The following PDE8B variants were observed in gnomAD, a reference collection of about 807,000 sequenced individuals.
PDE8B encodes phosphodiesterase 8B, also known as high affinity cAMP-specific and IBMX-insensitive 3',5'-cyclic phosphodiesterase 8B.
A neutral mutation model predicts 101.3 loss-of-function variants in PDE8B; 26 were observed. That is an observed-to-expected ratio of 0.26 (90% CI 0.19 to 0.36). The LOEUF is 0.36. Among genes scored for constraint, PDE8B ranks in the 10% least tolerant of loss-of-function variants. The pLI is 1.00. For synonymous variants in PDE8B, 424 were observed against 429.3 expected (o/e 0.99, Z 0.15); for missense variants, 810 against 1,163.1 (o/e 0.70, Z 4.42).
At chr5:77,144,586 A>G in the PDE8B span, 2 of 116,538 alleles carry the variant, frequency 1.7e-5, no homozygotes, top group Admixed American at 8.7e-5. Context: ...AAAATGTTGG[A>G]GGAAGAATTT....
chr5:77,194,614 A>T, the PDE8B span, among the ~76,000 whole-genome samples: 15 of 151,882 alleles, frequency 9.9e-5, no homozygotes, highest in Non-Finnish European at 1.5e-5. Context: ...GCCCCTTTAC[A>T]TTCCCCAGCC....
intron 10 of PDE8B, among the ~76,000 whole-genome samples, chr5:77,375,471 T>G (rs1785886161): frequency 6.6e-6 from 1 of 152,224 alleles, no homozygotes; most frequent in Non-Finnish European, 1.5e-5. Context: ...AGCATAATAG[T>G]ACCAGAATCT....
chr5:77,274,213 CAATT>C (rs1357700886), intron 1 of PDE8B, among the ~76,000 whole-genome samples: 11 of 152,122 alleles, frequency 7.2e-5, no homozygotes, highest in East Asian at 1.9e-4. Flanking sequence ...TATATTATCT[CAATT>C]AATCCTCAAA....
At chr5:77,345,076 A>G (rs1779906492) in intron 7 of PDE8B, 145 bp downstream of exon 7, 9 of 693,626 alleles carry the variant, frequency 1.3e-5, no homozygotes, top group South Asian at 6.3e-5. Context: ...TGCAAAGAAT[A>G]CTGATAGACT....
At chr5:77,241,975 G>T (rs1046852437) in intron 1 of PDE8B, among the ~76,000 whole-genome samples, 1 of 152,090 alleles carries the variant, frequency 6.6e-6, no homozygotes, top group Non-Finnish European at 1.5e-5. Flanking sequence ...TCCTTAACTT[G>T]TCCCAACACC....
intron 17 of PDE8B, among the ~76,000 whole-genome samples, chr5:77,417,075 C>G (rs1409444760): frequency 1.3e-5 from 2 of 152,088 alleles, no homozygotes; most frequent in Non-Finnish European, 2.9e-5. Context: ...GAAGTGACCA[C>G]CCTCGAAATC....
chr5:77,296,440 T>G (rs1306132949), intron 1 of PDE8B, among the ~76,000 whole-genome samples: 1 of 152,040 alleles, frequency 6.6e-6, no homozygotes, highest in Non-Finnish European at 1.5e-5. Context: ...CTTTTTTACT[T>G]TTGGTAGAAA....
the PDE8B span, among the ~76,000 whole-genome samples, chr5:77,089,793 T>C: frequency 5.3e-5 from 8 of 152,206 alleles, no homozygotes; most frequent in Admixed American, 1.3e-4. Context: ...ATTCCACCAC[T>C]GGTTATTTAT....
At chr5:77,299,144 T>A in intron 1 of PDE8B, among the ~76,000 whole-genome samples, 1 of 152,152 alleles carries the variant, frequency 6.6e-6, no homozygotes, top group East Asian at 1.9e-4. Flanking sequence ...CCGTAAGAAA[T>A]AGTAATGATT....
chr5:77,281,191 G>A (rs548772932), intron 1 of PDE8B, among the ~76,000 whole-genome samples: 11 of 152,312 alleles, frequency 7.2e-5, no homozygotes, highest in Admixed American at 4.6e-4. Flanking sequence ...TTTGCCTGGT[G>A]CTGGAGCTCA....
intron 15 of PDE8B, 122 bp downstream of exon 15, chr5:77,411,843 A>T: frequency 1.2e-6 from 1 of 824,356 alleles, no homozygotes; most frequent in Non-Finnish European, 2.1e-6. Context: ...TTAAGCATCA[A>T]TATGGTCTAC....
chr5:77,400,126 G>A, intron 10 of PDE8B, 122 bp from the exon 11 acceptor site: 1 of 740,584 alleles, frequency 1.4e-6, no homozygotes, highest in Admixed American at 1.9e-5. Flanking sequence ...CATATTATAT[G>A]TGCAGCTTCT....
At chr5:77,361,516 C>CAT (rs531096862) in intron 10 of PDE8B, among the ~76,000 whole-genome samples, 2 of 139,992 alleles carry the variant, frequency 1.4e-5, no homozygotes, top group Non-Finnish European at 1.6e-5. Context: ...TTTCATCTTA[C>CAT]TTTTTTTTTT....
intron 1 of PDE8B, among the ~76,000 whole-genome samples, chr5:77,295,723 G>A (rs1463379184): frequency 2.0e-5 from 3 of 152,094 alleles, no homozygotes; most frequent in Non-Finnish European, 4.4e-5. Flanking sequence ...TATTTAATAA[G>A]GAGAAAAAAG....
chr5:77,286,655 C>T (rs1766075460), intron 1 of PDE8B, among the ~76,000 whole-genome samples: 1 of 152,188 alleles, frequency 6.6e-6, no homozygotes, highest in Non-Finnish European at 1.5e-5. Context: ...TTTACTCGTT[C>T]TTACTGGAAG....
intron 9 of PDE8B, among the ~76,000 whole-genome samples, chr5:77,352,857 G>A (rs935060540): frequency 8.5e-5 from 13 of 152,154 alleles, no homozygotes; most frequent in African/African-American, 2.9e-4. Flanking sequence ...AGTCCATGAC[G>A]TTGAAATGAG....
chr5:77,247,814 A>G (rs1457942935), intron 1 of PDE8B, among the ~76,000 whole-genome samples: 1 of 152,138 alleles, frequency 6.6e-6, no homozygotes, highest in Non-Finnish European at 1.5e-5. Flanking sequence ...TATGATAACT[A>G]TGAATCCTTT....
intron 14 of PDE8B, 121 bp downstream of exon 14, chr5:77,409,178 T>G: frequency 1.3e-6 from 1 of 789,614 alleles, no homozygotes; most frequent in Non-Finnish European, 2.2e-6. Flanking sequence ...AACGTTAGCA[T>G]AACCAGAAGC....
At chr5:77,219,327 A>G (rs1253033706) in intron 1 of PDE8B, among the ~76,000 whole-genome samples, 2 of 152,216 alleles carry the variant, frequency 1.3e-5, no homozygotes, top group African/African-American at 4.8e-5. Context: ...TCAAATAGGA[A>G]GATGTAATGA....
Sources: allele counts gnomAD v4.1 joint callset (sites outside exome capture counted in the v4.1 genomes callset), GRCh38; gene constraint gnomAD v4.1.1; transcripts MANE v1.5; gene names NCBI Gene and HGNC (gene_info 2026-07-23, HGNC 2026-07-21).